Variants in NKAIN2 observed in about 807,000 individuals in gnomAD.
NKAIN2 encodes sodium/potassium transporting ATPase interacting 2, also known as sodium/potassium-transporting ATPase subunit beta-1-interacting protein 2.
Under a neutral mutation model 32.6 loss-of-function variants are expected in NKAIN2, and 14 were observed. That is an observed-to-expected ratio of 0.43 (90% CI 0.28 to 0.67). NKAIN2 has a LOEUF of 0.67. NKAIN2 is among the 30% of genes least tolerant of loss of function. The probability of loss-of-function intolerance (pLI) is 0.17; values close to 1 mark genes in which losing one functional copy is unlikely to be tolerated. For missense variants in NKAIN2, 198 were observed against 258.3 expected (o/e 0.77, Z 1.60); for synonymous variants, 80 against 87.2 (o/e 0.92, Z 0.46).
chr6:124,787,978 G>A (rs1279987419), intron 4 of NKAIN2, among the ~76,000 whole-genome samples: 1 of 152,040 alleles, frequency 6.6e-6, no homozygotes, highest in Non-Finnish European at 1.5e-5. Context: ...GCTCTTCCAA[G>A]GGTGTTTGAG....
chr6:123,850,612 G>A (rs1408782376), intron 1 of NKAIN2, among the ~76,000 whole-genome samples: 2 of 152,084 alleles, frequency 1.3e-5, no homozygotes, highest in Admixed American at 1.3e-4. Flanking sequence ...TATTTTAAAT[G>A]TAGTTTTAAT....
intron 1 of NKAIN2, among the ~76,000 whole-genome samples, chr6:124,187,630 T>G (rs535326663): frequency 6.6e-6 from 1 of 152,278 alleles, no homozygotes; most frequent in South Asian, 2.1e-4. Context: ...TTGATAAACA[T>G]GCTTATTTTC....
intron 3 of NKAIN2, among the ~76,000 whole-genome samples, chr6:124,617,469 C>T (rs1782951029): frequency 6.6e-6 from 1 of 152,144 alleles, no homozygotes; most frequent in African/African-American, 2.4e-5. Context: ...CAAGGACCAG[C>T]TTAAATAGCA....
At chr6:124,396,071 T>G (rs1241454048) in intron 3 of NKAIN2, among the ~76,000 whole-genome samples, 1 of 152,194 alleles carries the variant, frequency 6.6e-6, no homozygotes, top group Non-Finnish European at 1.5e-5. Flanking sequence ...TGCATTTATA[T>G]ATACATATCT....
rs1016005108 is a variant in NKAIN2 at position 124,016,771 on chromosome 6, A to AT, written c.54+212527dup. On this transcript the variant is annotated intron_variant, in intron 1 of 6. Transcript: ENST00000368417. Reference sequence around the variant, plus strand: ...TAACAGCTGTGTGAGGTTGTTTTCAATTTTTTTTTTCTATTTTACAAATTA... The same window carrying AT: ...TAACAGCTGTGTGAGGTTGTTTTCAATTTTTTTTTTTCTATTTTACAAATTA... Among the ~76,000 whole-genome samples the AT allele has an allele frequency of 5.4e-3, 805 of 150,382 alleles. 7 individuals are homozygous for AT. The highest frequency in any genetic ancestry group is 0.02 in the Middle Eastern group (6 of 294).
intron 3 of NKAIN2, among the ~76,000 whole-genome samples, chr6:124,624,712 G>C (rs746108746): frequency 5.3e-5 from 8 of 152,148 alleles, no homozygotes; most frequent in African/African-American, 9.7e-5. Flanking sequence ...GCAACATGTT[G>C]TTCTCAAGAA....
At chr6:124,273,490 T>A (rs1174756861) in intron 1 of NKAIN2, among the ~76,000 whole-genome samples, 1 of 152,194 alleles carries the variant, frequency 6.6e-6, no homozygotes, top group Non-Finnish European at 1.5e-5. Context: ...AATTACCCAG[T>A]CTCAGGTAGT....
intron 1 of NKAIN2, among the ~76,000 whole-genome samples, chr6:124,070,966 A>G (rs1450467857): frequency 6.6e-6 from 1 of 152,188 alleles, no homozygotes; most frequent in African/African-American, 2.4e-5. Context: ...AATTATACAC[A>G]CTGCCTTTGC....
rs530834063 is a variant in NKAIN2 at position 124,285,372 on chromosome 6, T to C, written c.192+2230T>C. ...TAACAAATAGCACTGTCATCTTTTTTTTGCTTGGAAATCCCCTTAACCAGA... is the reference window on the plus strand; with the variant it reads ...TAACAAATAGCACTGTCATCTTTTTCTTGCTTGGAAATCCCCTTAACCAGA... On this transcript the variant is annotated intron_variant, in intron 2 of 6. Coordinates refer to ENST00000368417, the MANE Select transcript of NKAIN2 (RefSeq NM_001040214.3). Among the ~76,000 whole-genome samples, 7 of 152,262 alleles carry C rather than the reference T, an allele frequency of 4.6e-5. No individual in the cohort carries two copies. The South Asian group carries it at 1.0e-3, about 23-fold the overall frequency.
chr6:124,380,785 T>C (rs564801693), intron 3 of NKAIN2, among the ~76,000 whole-genome samples: 1 of 152,184 alleles, frequency 6.6e-6, no homozygotes, highest in Non-Finnish European at 1.5e-5. Flanking sequence ...CAAACCAATA[T>C]TTTCCAAATG....
chr6:124,220,537 G>GTATATATATA (rs3055327), intron 1 of NKAIN2, among the ~76,000 whole-genome samples: 36 of 148,114 alleles, frequency 2.4e-4, no homozygotes, highest in African/African-American at 7.7e-4. Context: ...ACATACATAT[G>GTATATATATA]TATATATATA....
At chr6:124,746,570 G>A (rs1473295820) in intron 4 of NKAIN2, among the ~76,000 whole-genome samples, 1 of 151,778 alleles carries the variant, frequency 6.6e-6, no homozygotes, top group Non-Finnish European at 1.5e-5. Flanking sequence ...TATGAAATGA[G>A]ATCTCAGTTT....
At chr6:124,438,548 AC>A (rs1775557749) in intron 3 of NKAIN2, among the ~76,000 whole-genome samples, 1 of 152,164 alleles carries the variant, frequency 6.6e-6, no homozygotes, top group Non-Finnish European at 1.5e-5. Context: ...TATGAACAAA[AC>A]AAAAACTCAG....
chr6:123,876,706 C>T (rs1266499485), intron 1 of NKAIN2, among the ~76,000 whole-genome samples: 1 of 152,194 alleles, frequency 6.6e-6, no homozygotes, highest in Non-Finnish European at 1.5e-5. Flanking sequence ...TGAACCTTCT[C>T]CCTTTTTATT....
At chr6:123,989,651 T>C (rs963988605) in intron 1 of NKAIN2, among the ~76,000 whole-genome samples, 5 of 152,180 alleles carry the variant, frequency 3.3e-5, no homozygotes, top group Non-Finnish European at 7.4e-5. Context: ...TTATGCTCTT[T>C]TAATAATTTT....
chr6:124,480,956 A>G (rs1391258641), intron 3 of NKAIN2, among the ~76,000 whole-genome samples: 1 of 152,092 alleles, frequency 6.6e-6, no homozygotes, highest in Admixed American at 6.5e-5. Flanking sequence ...GAATTCACAG[A>G]TTTTGTAAAC....
chr6:124,727,558 T>C (rs1264862842), intron 4 of NKAIN2, among the ~76,000 whole-genome samples: 17 of 151,614 alleles, frequency 1.1e-4, no homozygotes, highest in East Asian at 3.9e-4. Context: ...CTGAAGGAAG[T>C]GCTAAACATG....
chr6:124,219,670 A>G (rs1162649208), intron 1 of NKAIN2, among the ~76,000 whole-genome samples: 3 of 152,112 alleles, frequency 2.0e-5, no homozygotes, highest in Non-Finnish European at 2.9e-5. Context: ...AAGAAATACT[A>G]TGTTAATCTT....
At chr6:124,323,803 T>C (rs1797300833) in intron 2 of NKAIN2, among the ~76,000 whole-genome samples, 1 of 148,616 alleles carries the variant, frequency 6.7e-6, no homozygotes. Context: ...TTTTTTTTTT[T>C]CTGAGACGGA....
Sources: allele counts gnomAD v4.1 joint callset (sites outside exome capture counted in the v4.1 genomes callset), GRCh38; gene constraint gnomAD v4.1.1; transcripts MANE v1.5; gene names NCBI Gene and HGNC (gene_info 2026-07-23, HGNC 2026-07-21).